GALNT8: variants seen among roughly 807,000 people sequenced by gnomAD.
The protein encoded by GALNT8 is probable polypeptide N-acetylgalactosaminyltransferase 8.
In GALNT8, 66 loss-of-function variants were observed where a neutral mutation model predicts 62.7. That is an observed-to-expected ratio of 1.05 (90% CI 0.86 to 1.29). The LOEUF (loss-of-function observed/expected upper bound fraction) is 1.29. Among genes scored for constraint, GALNT8 ranks in the 50% most tolerant of loss-of-function variants. The pLI is 0.00. For synonymous variants in GALNT8, 288 were observed against 294.3 expected (o/e 0.98, Z 0.22); for missense variants, 771 against 791.8 (o/e 0.97, Z 0.32).
intron 10 of GALNT8, among the ~76,000 whole-genome samples, chr12:4,766,613 C>T (rs896154489): frequency 5.9e-5 from 9 of 152,014 alleles, no homozygotes; most frequent in East Asian, 1.9e-4. Flanking sequence ...GATGATGACG[C>T]GAGGGTCTTG....
intron 7 of GALNT8, among the ~76,000 whole-genome samples, chr12:4,762,635 T>A (rs958921030): frequency 1.4e-4 from 22 of 152,202 alleles, no homozygotes; most frequent in Admixed American, 1.4e-3. Flanking sequence ...GGAGCAGAAT[T>A]TGAAAGAGCA....
At chr12:4,757,444 A>G (rs150002400) in intron 6 of GALNT8, among the ~76,000 whole-genome samples, 3 of 152,318 alleles carry the variant, frequency 2.0e-5, no homozygotes, top group South Asian at 2.1e-4. Flanking sequence ...TCTCTTTCCT[A>G]TAACAGTTTG....
chr12:4,750,483 TGGCC>T (rs1946317739), intron 6 of GALNT8, among the ~76,000 whole-genome samples: 2 of 152,310 alleles, frequency 1.3e-5, no homozygotes, highest in African/African-American at 4.8e-5. Flanking sequence ...CTAAGGATAA[TGGCC>T]TCCAGCTCCA....
Position 4,766,069 on chromosome 12 carries a change from C to T in GALNT8, c.1761+523C>T, listed in dbSNP as rs960922203. ...TACAGGTGTGAGCCACTGTGCCTGGCGAGTTACATGTTTTTTAAATGATAG... is the reference window on the plus strand; with the variant it reads ...TACAGGTGTGAGCCACTGTGCCTGGTGAGTTACATGTTTTTTAAATGATAG... On this transcript the variant is annotated intron_variant, in intron 10 of 10. Coordinates refer to ENST00000252318, the MANE Select transcript of GALNT8 (RefSeq NM_017417.2). Among the ~76,000 whole-genome samples the T allele has an allele frequency of 3.3e-5, 5 of 152,198 alleles. No homozygotes were observed. The East Asian group carries it at 5.8e-4, about 18-fold the overall frequency.
At chr12:4,746,955 CTG>C (rs1946302637) in intron 6 of GALNT8, among the ~76,000 whole-genome samples, 1 of 152,158 alleles carries the variant, frequency 6.6e-6, no homozygotes, top group Non-Finnish European at 1.5e-5. Flanking sequence ...TGACCAACTT[CTG>C]TGTGTCTGGA....
chr12:4,761,177 A>G (rs913914619), intron 7 of GALNT8, 34 bp downstream of exon 7: 1 of 1,580,414 alleles, frequency 6.3e-7, no homozygotes, highest in Non-Finnish European at 8.7e-7. Context: ...GCACGGAAGA[A>G]TGAAAGAGGA....
intron 6 of GALNT8, among the ~76,000 whole-genome samples, chr12:4,759,505 G>T (rs2137540686): frequency 6.6e-6 from 1 of 150,562 alleles, no homozygotes; most frequent in East Asian, 2.0e-4. Flanking sequence ...GATGGAACCA[G>T]AATTTGAACA....
chr12:4,733,642 T>G (rs1368595390), intron 2 of GALNT8, among the ~76,000 whole-genome samples: 2 of 152,222 alleles, frequency 1.3e-5, no homozygotes, highest in Admixed American at 6.5e-5. Context: ...GTACCAGACA[T>G]TAAGAACTGC....
chr12:4,738,553 A>C (rs1358161554), intron 2 of GALNT8, among the ~76,000 whole-genome samples: 2 of 152,208 alleles, frequency 1.3e-5, no homozygotes, highest in African/African-American at 4.8e-5. Flanking sequence ...AATGCTTACA[A>C]AACTCAATAA....
chr12:4,733,997 C>T (rs573585295), intron 2 of GALNT8, among the ~76,000 whole-genome samples: 58 of 152,226 alleles, frequency 3.8e-4, no homozygotes, highest in Middle Eastern at 3.4e-3. Flanking sequence ...CCATTGTCTA[C>T]GTAATAATGA....
At position 4,745,593 on chromosome 12, in the gene GALNT8, GGA is replaced by G. The variant is rs1946295247; in HGVS notation, c.1026_1027del (p.Trp342CysfsTer2). The G allele has an allele frequency of 6.2e-7, 1 of 1,613,880 alleles. No individual in the cohort carries two copies. The highest frequency in any genetic ancestry group is 1.7e-5 in the Admixed American group (1 of 60,000). On this transcript the variant is annotated frameshift_variant, in exon 5 of 11. Coordinates refer to ENST00000252318, the MANE Select transcript of GALNT8 (RefSeq NM_017417.2). LOFTEE classifies it high-confidence loss of function. Reference sequence around the variant, plus strand: ...CGCTACGATGCACTGCCACAAGCCTGGATTGATCTGCATGATGTCACTGCCCC... The same window carrying G: ...CGCTACGATGCACTGCCACAAGCCTGTTGATCTGCATGATGTCACTGCCCC...
At chr12:4,765,645 C>T (rs1409321932) in intron 10 of GALNT8, 99 bp downstream of exon 10, 1 of 821,028 alleles carries the variant, frequency 1.2e-6, no homozygotes, top group African/African-American at 1.8e-5. Flanking sequence ...GCAGTGGCTT[C>T]TCAGCTGACT....
chr12:4,754,233 G>A (rs534889723), intron 6 of GALNT8, among the ~76,000 whole-genome samples: 2 of 152,214 alleles, frequency 1.3e-5, no homozygotes, highest in South Asian at 4.2e-4. Context: ...TCTACAATCA[G>A]TAGGTGGCAA....
Position 4,765,281 on chromosome 12 carries a change from A to G in GALNT8, c.1594-98A>G, listed in dbSNP as rs1275030942. 1.1e-5 allele frequency: 13 copies of G among 1,214,542 alleles called. No homozygotes were observed. The African/African-American group carries it at 1.7e-4, about 16-fold the overall frequency. 75.2% of individuals were successfully genotyped at this position (1,214,542 alleles called of 1,614,324 possible). The stretch of plus-strand genomic sequence containing the variant: ...TGTGACTGGGTGTCTAGGGGCCCCA[A>G]GATCATTCTTCCTGCTGTCCCTCGG... On this transcript the variant is annotated intron_variant, in intron 9 of 10. Transcript: ENST00000252318.
intron 2 of GALNT8, among the ~76,000 whole-genome samples, chr12:4,729,600 A>T (rs1191363121): frequency 1.3e-5 from 2 of 152,154 alleles, no homozygotes. Context: ...GTTGTCACAA[A>T]AGACAGAATT....
chr12:4,726,646 C>T lies in GALNT8; in HGVS notation c.326C>T (p.Thr109Ile). ...LKAMETKVNETKKHKTQMKLF... is the reference protein window; with the variant it reads ...LKAMETKVNEIKKHKTQMKLF... ...GCAATGGAAACCAAGGTGAATGAGA[C>T]AAAGAAGCACAAAACCCAAATGAAA... The change falls in exon 2 of 11, where the codon ACA (threonine) becomes ATA (isoleucine). Residue 109 changes from threonine to isoleucine, a missense_variant. By Grantham distance (89) the Thr-to-Ile change is moderately conservative. Transcript: ENST00000252318. The surrounding 1 kb of genome is among the most constrained non-coding windows in gnomAD (Gnocchi z 4.1). The T allele has an allele frequency of 1.2e-6, 2 of 1,613,726 alleles. No homozygotes were observed. The highest frequency in any genetic ancestry group is 1.7e-6 in the Non-Finnish European group (2 of 1,179,872).
chr12:4,742,928 A>G (rs894707411), intron 3 of GALNT8, among the ~76,000 whole-genome samples: 4 of 152,058 alleles, frequency 2.6e-5, no homozygotes, highest in African/African-American at 9.7e-5. Context: ...GATAGGCATT[A>G]TTTTTCAGGA....
intron 2 of GALNT8, among the ~76,000 whole-genome samples, chr12:4,736,837 C>T (rs11836022): frequency 1.5e-3 from 234 of 152,130 alleles, no homozygotes; most frequent in African/African-American, 2.8e-3. Context: ...GGTAATAACT[C>T]GTGCACAAGA....
At chr12:4,737,652 A>G (rs963411361) in intron 2 of GALNT8, among the ~76,000 whole-genome samples, 2 of 152,206 alleles carry the variant, frequency 1.3e-5, no homozygotes, top group Non-Finnish European at 2.9e-5. Context: ...CTCATGTTAA[A>G]ATGTATTTGC....
Sources: allele counts gnomAD v4.1 joint callset (sites outside exome capture counted in the v4.1 genomes callset), GRCh38; gene constraint gnomAD v4.1.1; non-coding constraint Gnocchi (gnomAD v3.1); transcripts MANE v1.5; gene names NCBI Gene and HGNC (gene_info 2026-07-23, HGNC 2026-07-21).